The following TEX15 variants were observed in gnomAD, a reference collection of about 807,000 sequenced individuals.
The protein encoded by TEX15 is testis-expressed protein 15.
TEX15 carries 171 observed loss-of-function variants against 237.3 expected under a neutral mutation model. The ratio of observed to expected loss-of-function variants is 0.72; its 90% CI spans 0.64 to 0.82. The LOEUF (loss-of-function observed/expected upper bound fraction) is 0.82. Among genes scored for constraint, TEX15 ranks in the 40% least tolerant of loss-of-function variants. The pLI is 0.00. For synonymous variants in TEX15, 1,338 were observed against 1,269.8 expected (o/e 1.05, Z -1.14); for missense variants, 3,750 against 3,646.5 (o/e 1.03, Z -0.73).
At chr8:30,910,493 G>A (rs1429175566) in intron 1 of TEX15, among the ~76,000 whole-genome samples, 1 of 151,984 alleles carries the variant, frequency 6.6e-6, no homozygotes, top group Non-Finnish European at 1.5e-5. Flanking sequence ...CTGTTGCCCA[G>A]GACTGCAATG....
chr8:30,866,778 CCT>C (rs1270403492), intron 5 of TEX15, among the ~76,000 whole-genome samples: 1 of 151,620 alleles, frequency 6.6e-6, no homozygotes, highest in Non-Finnish European at 1.5e-5. Flanking sequence ...TCCCATATAC[CCT>C]GTGCCCAGCT....
At chr8:30,909,814 TATAAAC>T (rs1310834338) in intron 1 of TEX15, among the ~76,000 whole-genome samples, 1 of 152,056 alleles carries the variant, frequency 6.6e-6, no homozygotes, top group Non-Finnish European at 1.5e-5. Context: ...AGTAACAAAA[TATAAAC>T]GGAAAGAAGA....
Position 30,842,291 on chromosome 8 carries a change from A to C in TEX15, c.7876T>G (p.Cys2626Gly), listed in dbSNP as rs183854485. The C allele has an allele frequency of 6.2e-7, 1 of 1,613,848 alleles. No homozygotes were observed. Among genetic ancestry groups the C allele is most frequent in the East Asian group, 2.2e-5 (1 of 44,828 alleles). ...MKTIEHMKMI[C>G]TKNAELTISF... Reference sequence around the variant, plus strand: ...ATGGTTAGTTCAGCATTTTTAGTACATATCATCTTCATATGTTCAATCGTT... The same window carrying C: ...ATGGTTAGTTCAGCATTTTTAGTACCTATCATCTTCATATGTTCAATCGTT... The change falls in exon 8 of 11, where the codon TGT becomes GGT. Residue 2626 changes from cysteine to glycine, a missense_variant. Coordinates refer to ENST00000643185, the MANE Select transcript of TEX15 (RefSeq NM_001350162.2).
intron 5 of TEX15, among the ~76,000 whole-genome samples, chr8:30,865,018 GA>G (rs1361387788): frequency 6.6e-6 from 1 of 151,806 alleles, no homozygotes; most frequent in Non-Finnish European, 1.5e-5. Flanking sequence ...TACTACCAGA[GA>G]AAATCAACCA....
chr8:30,841,499 CA>C (rs1807451431), intron 8 of TEX15, among the ~76,000 whole-genome samples: 2 of 152,306 alleles, frequency 1.3e-5, no homozygotes, highest in African/African-American at 4.8e-5. Context: ...ATGCTTTAGA[CA>C]ATTTGTTAAA....
At position 30,846,595 on chromosome 8, in the gene TEX15, G is replaced by A. The variant is rs755875967; in HGVS notation, c.3572C>T (p.Pro1191Leu). ...TTCTCCATCTTCCTTATTTATTTCC[G>A]GTTTTGTGGCTTCAGTTACATGTGT... ...FCTHVTEATK[P>L]EINKEDGEIL... The change falls in exon 8 of 11, where the codon CCG (proline) becomes CTG (leucine). Residue 1191 changes from proline to leucine, a missense_variant. Physicochemically the swap from Pro to Leu is moderately conservative, Grantham distance 98 (BLOSUM62 -3). Coordinates refer to ENST00000643185, the MANE Select transcript of TEX15 (RefSeq NM_001350162.2). 2.8e-5 allele frequency: 45 copies of A among 1,613,626 alleles called. No homozygotes were observed. Among genetic ancestry groups the A allele is most frequent in the Admixed American group, 1.0e-4 (6 of 59,980 alleles).
intron 5 of TEX15, among the ~76,000 whole-genome samples, chr8:30,863,632 T>C (rs931646361): frequency 1.3e-5 from 2 of 152,028 alleles, no homozygotes; most frequent in Non-Finnish European, 2.9e-5. Context: ...CTTTTTTCCC[T>C]TCTTCATTTT....
intron 3 of TEX15, 123 bp from the exon 4 acceptor site, chr8:30,875,225 G>C (rs1432682382): frequency 3.7e-6 from 2 of 538,300 alleles, no homozygotes; most frequent in East Asian, 7.1e-5. Context: ...AACAACATAA[G>C]GCAACCATTT....
At chr8:30,883,606 T>G (rs1350386198) in intron 3 of TEX15, among the ~76,000 whole-genome samples, 7 of 152,146 alleles carry the variant, frequency 4.6e-5, no homozygotes, top group Admixed American at 4.6e-4. Context: ...ACATGTGGTG[T>G]TTGGTTTTCT....
chr8:30,865,348 G>C (rs1808137384), intron 5 of TEX15, among the ~76,000 whole-genome samples: 1 of 152,084 alleles, frequency 6.6e-6, no homozygotes, highest in Non-Finnish European at 1.5e-5. Context: ...GAAAAGCCCA[G>C]GTCCTGATGG....
intron 4 of TEX15, among the ~76,000 whole-genome samples, chr8:30,874,071 C>T (rs533935632): frequency 3.5e-4 from 54 of 152,238 alleles, no homozygotes; most frequent in Admixed American, 1.0e-3. Flanking sequence ...ATTGGATATA[C>T]CCAGTCCTTT....
chr8:30,842,886 C>T lies in TEX15; in HGVS notation c.7281G>A (p.Val2427=). The part of the protein sequence containing the change: ...FITEENVLDV[V]INHSHEAIIL... The stretch of plus-strand genomic sequence containing the variant: ...TGATAGCCTCATGGCTGTGGTTTAT[C>T]ACCACGTCTAAAACATTTTCTTCTG... The change falls in exon 8 of 11, where the codon GTG becomes GTA. Residue 2427 remains valine, a synonymous_variant. Transcript: ENST00000643185. The T allele has an allele frequency of 6.2e-7, 1 of 1,609,650 alleles. No homozygotes were observed. The highest frequency in any genetic ancestry group is 8.5e-7 in the Non-Finnish European group (1 of 1,177,258).
intron 2 of TEX15, among the ~76,000 whole-genome samples, chr8:30,888,111 C>T (rs1808702319): frequency 6.6e-6 from 1 of 151,356 alleles, no homozygotes; most frequent in Non-Finnish European, 1.5e-5. Context: ...GACAGGGTCT[C>T]TCTGTGTTGC....
Position 30,896,470 on chromosome 8 carries a change from T to C in TEX15, c.-10+2272A>G, listed in dbSNP as rs79287051. Among the ~76,000 whole-genome samples the C allele has an allele frequency of 1.9e-3, 289 of 152,080 alleles. 7 individuals carry two copies. In the East Asian group the frequency reaches 0.053, roughly 28 times the overall value. On this transcript the variant is annotated intron_variant, in intron 2 of 10. Transcript: ENST00000643185. ...ACTTCCTTAGAGGGCATTAGTGTGA[T>C]CCAGAGACAAAGGCTTATAGCAACT...
intron 4 of TEX15, among the ~76,000 whole-genome samples, chr8:30,874,120 T>C (rs1242321221): frequency 6.6e-6 from 1 of 152,160 alleles, no homozygotes; most frequent in African/African-American, 2.4e-5. Context: ...AAAGGCAATA[T>C]ACCACAACAA....
chr8:30,900,101 T>C (rs928414348), intron 1 of TEX15, among the ~76,000 whole-genome samples: 1 of 152,236 alleles, frequency 6.6e-6, no homozygotes, highest in Non-Finnish European at 1.5e-5. Flanking sequence ...TATTTAAAGC[T>C]GACACTGTAG....
rs536089599 is a variant in TEX15 at position 30,843,633 on chromosome 8, G to A, written c.6534C>T (p.Ala2178=). ...KYKRQVNECE[A]IMEHCSDCFD... is the part of the protein sequence containing the mutation. ...AGCAATCGGAACAATGCTCCATTAT[G>A]GCTTCACATTCATTAACCTGTCGTT... The change falls in exon 8 of 11, where the codon GCC becomes GCT. Residue 2178 remains alanine (A), a synonymous_variant. Coordinates refer to ENST00000643185, the MANE Select transcript of TEX15 (RefSeq NM_001350162.2). The A allele has an allele frequency of 9.9e-6, 16 of 1,612,726 alleles. 1 individual carries two copies. The South Asian group carries it at 1.8e-4, about 18-fold the overall frequency.
At chr8:30,853,799 A>G (rs187034309) in intron 7 of TEX15, among the ~76,000 whole-genome samples, 1 of 152,322 alleles carries the variant, frequency 6.6e-6, no homozygotes, top group African/African-American at 2.4e-5. Flanking sequence ...TAAAGGAAAA[A>G]GATAAGACAA....
chr8:30,867,438 G>A lies in TEX15; in HGVS notation c.367C>T (p.Leu123Phe). The A allele has an allele frequency of 6.5e-7, 1 of 1,534,786 alleles. No individual in the cohort carries two copies. The highest frequency in any genetic ancestry group is 1.2e-5 in the South Asian group (1 of 84,004). ...ATCTGGGCTACATCACTCTGGGGAA[G>A]TGCTAAAAAGCAGAACTGTTCTTCA... ...ELEEQFCFLA[L>F]PQSDVAQIYQ... Residue 123 changes from leucine to phenylalanine, a missense_variant, in exon 5 of 11, where the codon CTT becomes TTT. Coordinates refer to ENST00000643185, the MANE Select transcript of TEX15 (RefSeq NM_001350162.2).
Sources: gnomAD v4.1 joint callset for allele counts (sites outside exome capture counted in the v4.1 genomes callset) on GRCh38, gnomAD v4.1.1 for gene constraint, MANE v1.5 for transcripts, NCBI Gene and HGNC (gene_info 2026-07-23, HGNC 2026-07-21) for gene names.